The following BCR variants were observed in gnomAD, a reference collection of about 807,000 sequenced individuals.
The protein encoded by BCR is BCR activator of RhoGEF and GTPase, also known as breakpoint cluster region protein.
BCR carries 58 observed loss-of-function variants against 138.6 expected under a neutral mutation model. That is an observed-to-expected ratio of 0.42 (90% CI 0.34 to 0.52). The LOEUF is 0.52. BCR is among the 20% of genes least tolerant of loss of function. The probability of loss-of-function intolerance (pLI) is 0.06; values close to 1 mark genes in which losing one functional copy is unlikely to be tolerated. For synonymous variants in BCR, 786 were observed against 730.1 expected (o/e 1.08, Z -1.23); for missense variants, 1,599 against 1,727.2 (o/e 0.93, Z 1.32).
rs536059145 is a variant in BCR, at chr22:23,217,696, G to T, written c.1279+35457G>T. On this transcript the variant is annotated intron_variant, in intron 1 of 22. Coordinates refer to ENST00000305877, the MANE Select transcript of BCR (RefSeq NM_004327.4). The stretch of plus-strand genomic sequence containing the variant: ...TTGAAGGTCATTGTTTTCCTAAACA[G>T]ATGGTTATTTGGACTCTTACAAGTT... 2.6e-5 allele frequency among the ~76,000 whole-genome samples: 4 copies of T among 152,360 alleles called. No homozygotes were observed. The South Asian group carries it at 8.3e-4, about 32-fold the overall frequency.
At position 23,272,469 on chromosome 22, in the gene BCR, CTG is replaced by C. The variant is rs1397306842; in HGVS notation, c.1922-610_1922-609del. 3.3e-5 allele frequency among the ~76,000 whole-genome samples: 5 copies of C among 152,172 alleles called. No individual in the cohort carries two copies. The East Asian group carries it at 9.6e-4, about 29-fold the overall frequency. On this transcript the variant is annotated intron_variant, in intron 6 of 22. Transcript: ENST00000305877. ...CTGTGCCTGGGACGGGCCACACTCA[CTG>C]TCATCATGGAGAAGCACGGGTGGCT... is the stretch of plus-strand genomic sequence containing the variant.
At chr22:23,268,783 G>C (rs1444044433) in intron 5 of BCR, among the ~76,000 whole-genome samples, 2 of 152,362 alleles carry the variant, frequency 1.3e-5, no homozygotes, top group East Asian at 1.9e-4. Flanking sequence ...TGCACTGTCT[G>C]TCTGCAGTGA....
chr22:23,185,913 T>G (rs896335282), intron 1 of BCR, among the ~76,000 whole-genome samples: 1 of 151,958 alleles, frequency 6.6e-6, no homozygotes, highest in Non-Finnish European at 1.5e-5. Context: ...GTATTTTTAG[T>G]AGAGACGGGG....
At chr22:23,258,607 G>A (rs8137468) in intron 2 of BCR, among the ~76,000 whole-genome samples, 2,919 of 152,306 alleles carry the variant, frequency 0.019, 88 homozygotes, top group African/African-American at 0.067. Flanking sequence ...TCTCACTGGA[G>A]GTGATTCTGC....
At position 23,297,023 on chromosome 22, in the gene BCR, G is replaced by A. The variant is rs545912641; in HGVS notation, c.3012+1868G>A. The stretch of plus-strand genomic sequence containing the variant: ...CTCAGGTTCTTTTTTACACGTGCTT[G>A]CTTTGGTTGTTGTTGTTGTTCTTTG... On this transcript the variant is annotated intron_variant, in intron 16 of 22. Coordinates refer to ENST00000305877, the MANE Select transcript of BCR (RefSeq NM_004327.4). Among the ~76,000 whole-genome samples, 6 of 152,128 alleles carry A rather than the reference G, an allele frequency of 3.9e-5. 1 individual carries two copies. Among genetic ancestry groups the A allele is most frequent in the African/African-American group, 1.4e-4 (6 of 41,492 alleles).
intron 1 of BCR, among the ~76,000 whole-genome samples, chr22:23,213,241 A>G (rs2072707782): frequency 6.6e-6 from 1 of 152,140 alleles, no homozygotes; most frequent in Non-Finnish European, 1.5e-5. Context: ...TTGGTTGGGT[A>G]CATCCAAGGC....
chr22:23,260,738 A>G (rs1602074175), intron 2 of BCR: 2 of 543,762 alleles, frequency 3.7e-6, no homozygotes, highest in Non-Finnish European at 3.3e-6. Flanking sequence ...GTGTTGCCAG[A>G]TGACCCCCCT....
chr22:23,268,169 T>TA (rs1466058013), intron 4 of BCR, among the ~76,000 whole-genome samples: 1 of 152,222 alleles, frequency 6.6e-6, no homozygotes, highest in Non-Finnish European at 1.5e-5. Flanking sequence ...AGGGAACTGT[T>TA]ACCTGCCTGG....
Position 23,260,933 on chromosome 22 carries a change from G to A in BCR, c.1462-17G>A, listed in dbSNP as rs373782745. The A allele has an allele frequency of 7.4e-6, 12 of 1,611,572 alleles. No homozygotes were observed. In the Admixed American group the frequency reaches 1.0e-4, roughly 13 times the overall value. On this transcript the variant is annotated splice_polypyrimidine_tract_variant and intron_variant, in intron 2 of 22. Transcript: ENST00000305877. ...CTACCACCCTTCCAGGCTGACTTCT[G>A]TCTATTTCTCCTGCAGAGTGAGCTG... is the stretch of plus-strand genomic sequence containing the variant.
At chr22:23,265,540 G>T (rs1180414105) in intron 4 of BCR, among the ~76,000 whole-genome samples, 1 of 152,246 alleles carries the variant, frequency 6.6e-6, no homozygotes. Flanking sequence ...CTCAGATGCG[G>T]CTTCTGCCAC....
Position 23,271,517 on chromosome 22 carries a change from C to T in BCR, c.1861-15C>T. 6.2e-7 allele frequency: 1 copy of T among 1,613,852 alleles called. No homozygotes were observed. Among genetic ancestry groups the T allele is most frequent in the Non-Finnish European group, 8.5e-7 (1 of 1,179,848 alleles). ...CTTCTGTCATCTGTGTGAACATGCG[C>T]TTTTCTCTCTGCAGAACCTGAGAGC... is the stretch of plus-strand genomic sequence containing the variant. On this transcript the variant is annotated splice_polypyrimidine_tract_variant and intron_variant, in intron 5 of 22. Coordinates refer to ENST00000305877, the MANE Select transcript of BCR (RefSeq NM_004327.4).
chr22:23,270,927 G>A lies in BCR; in HGVS notation c.1861-605G>A, dbSNP rs146769200. Among the ~76,000 whole-genome samples, 4 of 152,346 alleles carry A rather than the reference G, an allele frequency of 2.6e-5. No homozygotes were observed. In the South Asian group the frequency reaches 6.2e-4, roughly 24 times the overall value. ...TTTTAGTAAGTACACTTGCAGATCC[G>A]GAGAGGGCAGGTGGAGGTATAATCC... On this transcript the variant is annotated intron_variant, in intron 5 of 22. Transcript: ENST00000305877.
intron 1 of BCR, among the ~76,000 whole-genome samples, chr22:23,222,125 T>A: frequency 6.6e-6 from 1 of 152,054 alleles, no homozygotes; most frequent in East Asian, 1.9e-4. Flanking sequence ...GTGATAGCCC[T>A]CCCCGTCTTC....
rs149610158 is a variant in BCR at position 23,264,647 on chromosome 22, C to T, written c.1752+3107C>T. 115 of 253,970 alleles carry T rather than the reference C, an allele frequency of 4.5e-4. 1 individual carries two copies. The highest frequency in any genetic ancestry group is 2.4e-3 in the African/African-American group (106 of 44,684). 15.7% of individuals were successfully genotyped at this position (253,970 alleles called of 1,614,324 possible). ...CTGTTTGGCCAGAGCAAGGATCTGG[C>T]CTGGAGAGGCCCATCCTACACCCCT... is the stretch of plus-strand genomic sequence containing the variant. On this transcript the variant is annotated intron_variant, in intron 4 of 22. Transcript: ENST00000305877.
In BCR at chr22:23,314,552, G is replaced by C; in HGVS notation, c.3564G>C (p.Arg1188Ser). ...CACCCGCTGCTTTGGTCCTCTACAG[G>C]GTGGCAGAGAAGGAGGCAGTCAATA... is the stretch of plus-strand genomic sequence containing the variant. ...TFLFLLDHLK[R>S]VAEKEAVNKM... Residue 1188 changes from arginine to serine, a missense_variant and splice_region_variant, in exon 22 of 23, where the codon AGG (arginine) becomes AGC (serine). Around this residue, in one of 4 missense-constraint regions of BCR, gnomAD observed 177 missense variants for 226.4 expected, o/e 0.78. Coordinates refer to ENST00000305877, the MANE Select transcript of BCR (RefSeq NM_004327.4). The C allele has an allele frequency of 6.2e-7, 1 of 1,611,910 alleles. No homozygotes were observed. Among genetic ancestry groups the C allele is most frequent in the Non-Finnish European group, 8.5e-7 (1 of 1,179,842 alleles).
chr22:23,288,440 G>A (rs554004546), intron 12 of BCR, among the ~76,000 whole-genome samples: 68 of 128,242 alleles, frequency 5.3e-4, no homozygotes, highest in Non-Finnish European at 7.6e-4. Flanking sequence ...CCCTTCCCCA[G>A]GCCCTTTCCA....
intron 12 of BCR, 33 bp from the exon 13 acceptor site, chr22:23,289,484 A>G (rs747156524): frequency 1.3e-6 from 2 of 1,570,798 alleles, no homozygotes; most frequent in Admixed American, 3.3e-5. Flanking sequence ...GAGCAGATTG[A>G]CCAATTGGTG....
chr22:23,195,326 G>A (rs1214195915), intron 1 of BCR, among the ~76,000 whole-genome samples: 1 of 151,506 alleles, frequency 6.6e-6, no homozygotes, highest in Admixed American at 6.6e-5. Flanking sequence ...AGGCTGAGGC[G>A]GGAAAATCGC....
intron 8 of BCR, 199 bp from the exon 9 acceptor site, chr22:23,283,778 G>A (rs1254737875): frequency 1.6e-6 from 1 of 640,884 alleles, no homozygotes; most frequent in Non-Finnish European, 2.5e-6. Flanking sequence ...TTACACATAA[G>A]CCCTGATGTG....
Sources: allele counts gnomAD v4.1 joint callset (sites outside exome capture counted in the v4.1 genomes callset), GRCh38; gene constraint gnomAD v4.1.1; regional missense constraint gnomAD v4.1.1; transcripts MANE v1.5; gene names NCBI Gene and HGNC (gene_info 2026-07-23, HGNC 2026-07-21).